The following ACOX3 variants were observed in gnomAD, a reference collection of about 807,000 sequenced individuals.
ACOX3 encodes acyl-CoA oxidase 3, pristanoyl.
In ACOX3, 73 loss-of-function variants were observed where a neutral mutation model predicts 81.5. That is an observed-to-expected ratio of 0.90 (90% CI 0.74 to 1.09). ACOX3 has a LOEUF of 1.09. ACOX3 is among the 50% of genes least tolerant of loss of function. The pLI is 0.00. For missense variants in ACOX3, 947 were observed against 928.0 expected, an observed-to-expected ratio of 1.02 and a Z score of -0.27; for synonymous variants, 387 against 375.1, an observed-to-expected ratio of 1.03 and a Z score of -0.37.
rs1488096640 is a variant in ACOX3, at chr4:8,382,666, T to C, written c.1538-1059A>G. ...AACTCAGTGGGGCTTGGGATTTCCT[T>C]CTATGTCACACAGCCCAGGTCACTG... On this transcript the variant is annotated intron_variant, in intron 13 of 17. Coordinates refer to ENST00000356406, the MANE Select transcript of ACOX3 (RefSeq NM_003501.3). This position sits in a 1 kb window ranked among gnomAD's most constrained non-coding sequence, Gnocchi z 4.1. 6.6e-6 allele frequency among the ~76,000 whole-genome samples: 1 copy of C among 152,170 alleles called. No individual in the cohort carries two copies. The highest frequency in any genetic ancestry group is 6.5e-5 in the Admixed American group (1 of 15,288).
rs1718131363 is a variant in ACOX3, at chr4:8,385,009, T to C, written c.1538-3402A>G. ...GTTTCCAAGGAAGTGTTCAGGACTG[T>C]GGCCCCCCACACGCAGCAGCCCCCC... On this transcript the variant is annotated intron_variant, in intron 13 of 17. Transcript: ENST00000356406. This position sits in a 1 kb window ranked among gnomAD's most constrained non-coding sequence, Gnocchi z 5.5. Among the ~76,000 whole-genome samples the C allele has an allele frequency of 6.6e-6, 1 of 152,284 alleles. No homozygotes were observed. Among genetic ancestry groups the C allele is most frequent in the South Asian group, 2.1e-4 (1 of 4,822 alleles).
chr4:8,371,398 T>C (rs1716172410), intron 16 of ACOX3, among the ~76,000 whole-genome samples: 1 of 152,230 alleles, frequency 6.6e-6, no homozygotes, highest in South Asian at 2.1e-4. Context: ...TTATGAGCAC[T>C]TGGAAAAGCC....
Position 8,374,989 on chromosome 4 carries a change from A to G in ACOX3, c.1817T>C (p.Leu606Pro). The change falls in exon 15 of 18, where the codon CTG becomes CCG. Residue 606 changes from leucine (L) to proline (P), a missense_variant. Transcript: ENST00000356406. Reference sequence around the variant, plus strand: ...GTCAGAAGCCTCACCTCGGTAGAGCAGGGCCGCGTGGCGGCTCAGGGACCA... The same window carrying G: ...GTCAGAAGCCTCACCTCGGTAGAGCGGGGCCGCGTGGCGGCTCAGGGACCA... Reference protein sequence around the residue: ...ALWSLSRHAALLYRGGYFSGE... With the variant: ...ALWSLSRHAAPLYRGGYFSGE... The G allele has an allele frequency of 6.5e-7, 1 of 1,527,652 alleles. No homozygotes were observed. The highest frequency in any genetic ancestry group is 2.4e-5 in the East Asian group (1 of 41,280). 94.6% of individuals were successfully genotyped at this position (1,527,652 alleles called of 1,614,324 possible).
At chr4:8,365,896 C>T (rs1578837128), downstream of ACOX3, among the ~76,000 whole-genome samples, 1 of 152,178 alleles carries the variant, frequency 6.6e-6, no homozygotes, top group East Asian at 1.9e-4. Flanking sequence ...AAAATAAGAA[C>T]TGGTCTTATT....
rs1459181564 is a variant in ACOX3 at position 8,437,457 on chromosome 4, C to T, written c.-15+3191G>A. Reference sequence around the variant, plus strand: ...GAGAATCAGAAGAAAATGGGAGAGACAGCAGTGCGCGGGGGCAGGGCCTGT... The same window carrying T: ...GAGAATCAGAAGAAAATGGGAGAGATAGCAGTGCGCGGGGGCAGGGCCTGT... On this transcript the variant is annotated intron_variant, in intron 1 of 17. Coordinates refer to ENST00000356406, the MANE Select transcript of ACOX3 (RefSeq NM_003501.3). The surrounding 1 kb of genome is among the most constrained non-coding windows in gnomAD (Gnocchi z 5.2). Among the ~76,000 whole-genome samples the T allele has an allele frequency of 1.3e-5, 2 of 152,158 alleles. No individual in the cohort carries two copies. The highest frequency in any genetic ancestry group is 4.8e-5 in the African/African-American group (2 of 41,448).
intron 5 of ACOX3, among the ~76,000 whole-genome samples, chr4:8,413,632 C>G (rs1465788772): frequency 2.7e-5 from 4 of 148,160 alleles, no homozygotes; most frequent in Non-Finnish European, 4.5e-5. Context: ...CCATCTCCCT[C>G]CACCCCTCCA....
At chr4:8,392,131 T>A (rs1719064853) in intron 11 of ACOX3, among the ~76,000 whole-genome samples, 1 of 152,212 alleles carries the variant, frequency 6.6e-6, no homozygotes, top group Non-Finnish European at 1.5e-5. Flanking sequence ...CGATTACTCA[T>A]CTCTGCCCTT....
In ACOX3 at chr4:8,423,282, C is replaced by A. The variant is rs1457496044; in HGVS notation, c.-14-6747G>T. Among the ~76,000 whole-genome samples the A allele has an allele frequency of 6.6e-6, 1 of 152,142 alleles. No homozygotes were observed. Among genetic ancestry groups the A allele is most frequent in the East Asian group, 1.9e-4 (1 of 5,194 alleles). ...CCCTTGTTAGGGAGATACATTCTAG[C>A]AAAAGCAGGGGCCATTATACACCTG... On this transcript the variant is annotated intron_variant, in intron 1 of 17. Transcript: ENST00000356406. This position sits in a 1 kb window ranked among gnomAD's most constrained non-coding sequence, Gnocchi z 4.2.
At chr4:8,373,494 G>A (rs1049118130) in intron 16 of ACOX3, 67 bp downstream of exon 16, 31 of 1,521,070 alleles carry the variant, frequency 2.0e-5, no homozygotes, top group Admixed American at 7.1e-5. Context: ...GATGCTAAGG[G>A]GATGCGTGTC....
At chr4:8,372,420 C>T (rs1394286561) in intron 16 of ACOX3, among the ~76,000 whole-genome samples, 1 of 152,140 alleles carries the variant, frequency 6.6e-6, no homozygotes, top group Non-Finnish European at 1.5e-5. Context: ...AACAACACCT[C>T]CCCGCTATGC....
chr4:8,375,701 C>T (rs1226509508), intron 14 of ACOX3, among the ~76,000 whole-genome samples: 3 of 152,230 alleles, frequency 2.0e-5, no homozygotes, highest in Non-Finnish European at 4.4e-5. Flanking sequence ...CAGGCTCTGC[C>T]GCTCCCATCT....
rs1719383953 is a variant in ACOX3 at position 8,394,044 on chromosome 4, C to T, written c.1179+576G>A. Among the ~76,000 whole-genome samples the T allele has an allele frequency of 6.6e-6, 1 of 152,222 alleles. No homozygotes were observed. Among genetic ancestry groups the T allele is most frequent in the Non-Finnish European group, 1.5e-5 (1 of 68,038 alleles). On this transcript the variant is annotated intron_variant, in intron 10 of 17. Coordinates refer to ENST00000356406, the MANE Select transcript of ACOX3 (RefSeq NM_003501.3). This position sits in a 1 kb window ranked among gnomAD's most constrained non-coding sequence, Gnocchi z 5.9. ...TTCTGATGTTGTACATAACAGCAAT[C>T]TGTGGCGTTTCTCCTCTGCTTTCAA...
At chr4:8,392,911 A>G (rs1019917888) in intron 10 of ACOX3, 2 of 153,050 alleles carry the variant, frequency 1.3e-5, no homozygotes, top group African/African-American at 4.8e-5. Context: ...GGACCAGTCC[A>G]TTCCCAGAAG....
At chr4:8,376,607 T>C (rs1218126332) in intron 14 of ACOX3, among the ~76,000 whole-genome samples, 1 of 152,142 alleles carries the variant, frequency 6.6e-6, no homozygotes, top group Non-Finnish European at 1.5e-5. Flanking sequence ...CATGCCAGGC[T>C]GACTGGTCCT....
intron 14 of ACOX3, among the ~76,000 whole-genome samples, chr4:8,378,350 G>C (rs1717228592): frequency 6.6e-6 from 1 of 152,218 alleles, no homozygotes; most frequent in Non-Finnish European, 1.5e-5. Context: ...TCCCAAAGTA[G>C]ACAACGTGAA....
chr4:8,377,502 A>G (rs1395181026), intron 14 of ACOX3, among the ~76,000 whole-genome samples: 2 of 152,190 alleles, frequency 1.3e-5, no homozygotes, highest in Non-Finnish European at 2.9e-5. Context: ...TCATGGCTCC[A>G]AGCCTCAGCG....
chr4:8,362,131 G>A (rs1414175408), downstream of ACOX3, among the ~76,000 whole-genome samples: 1 of 152,132 alleles, frequency 6.6e-6, no homozygotes, highest in Non-Finnish European at 1.5e-5. Flanking sequence ...AGCTCTCACA[G>A]GGGTTCTTAA....
At chr4:8,409,978 T>C (rs559047068) in intron 6 of ACOX3, among the ~76,000 whole-genome samples, 5 of 151,226 alleles carry the variant, frequency 3.3e-5, no homozygotes, top group Admixed American at 3.3e-4. Context: ...TGGGATGCAC[T>C]GTGGACGGGG....
intron 16 of ACOX3, 78 bp downstream of exon 16, chr4:8,373,483 T>C: frequency 1.4e-6 from 2 of 1,468,208 alleles, no homozygotes; most frequent in African/African-American, 1.4e-5. Flanking sequence ...TCGGTCTGGG[T>C]GATGCTAAGG....
Sources: allele counts gnomAD v4.1 joint callset (sites outside exome capture counted in the v4.1 genomes callset), GRCh38; gene constraint gnomAD v4.1.1; non-coding constraint Gnocchi (gnomAD v3.1); transcripts MANE v1.5; gene names NCBI Gene and HGNC (gene_info 2026-07-23, HGNC 2026-07-21).